The following HS6ST3 variants were observed in gnomAD, a reference collection of about 807,000 sequenced individuals.
HS6ST3 encodes heparan-sulfate 6-O-sulfotransferase 3.
HS6ST3 carries 12 observed loss-of-function variants against 36.7 expected under a neutral mutation model. That is an observed-to-expected ratio of 0.33 (90% confidence interval 0.21 to 0.53). HS6ST3 has a LOEUF of 0.53. Among genes scored for constraint, HS6ST3 ranks in the 20% least tolerant of loss-of-function variants. The pLI is 0.95. For synonymous variants in HS6ST3, 240 were observed against 257.5 expected, an observed-to-expected ratio of 0.93 and a Z score of 0.65; for missense variants, 584 against 640.9, an observed-to-expected ratio of 0.91 and a Z score of 0.96.
At chr13:96,751,841 ATATT>A (rs1407909920) in intron 1 of HS6ST3, among the ~76,000 whole-genome samples, 3 of 150,612 alleles carry the variant, frequency 2.0e-5, no homozygotes, top group African/African-American at 7.4e-5. Flanking sequence ...CACATATAGT[ATATT>A]TATACTGCAT....
rs1365570783 is a variant in HS6ST3, at chr13:96,833,201, T to A, written c.*3T>A. The A allele has an allele frequency of 7.2e-6, 11 of 1,524,860 alleles. No individual in the cohort carries two copies. The highest frequency in any genetic ancestry group is 9.6e-6 in the Non-Finnish European group (11 of 1,144,282). The allele number at this position is 1,524,860 out of a possible 1,614,324, so 94.5% of individuals were successfully genotyped here. On this transcript the variant is annotated 3_prime_UTR_variant, in exon 2 of 2. Coordinates refer to ENST00000376705, the MANE Select transcript of HS6ST3 (RefSeq NM_153456.4). ...ACAGCCAGGTGGTGAGATGGTGACCTCCTGCCCTCTCCTCTCTCAGGAGGG... is the reference window on the plus strand; with the variant it reads ...ACAGCCAGGTGGTGAGATGGTGACCACCTGCCCTCTCCTCTCTCAGGAGGG...
At chr13:96,294,515 T>G (rs886642872) in intron 1 of HS6ST3, among the ~76,000 whole-genome samples, 2 of 152,140 alleles carry the variant, frequency 1.3e-5, no homozygotes, top group Admixed American at 1.3e-4. Flanking sequence ...TGGCTCCTGC[T>G]TGGGGGAATG....
intron 1 of HS6ST3, among the ~76,000 whole-genome samples, chr13:96,118,689 T>TATATATATATATA (rs1416910167): frequency 2.4e-4 from 7 of 29,542 alleles, no homozygotes; most frequent in Admixed American, 6.8e-4. Context: ...TATATATATA[T>TATATATATATATA]TTTTTTTTTT....
chr13:96,403,919 T>A (rs2055464000), intron 1 of HS6ST3, among the ~76,000 whole-genome samples: 1 of 152,186 alleles, frequency 6.6e-6, no homozygotes, highest in African/African-American at 2.4e-5. Context: ...GACAGGTGCT[T>A]AAATGGGCAG....
At chr13:96,723,847 TC>T (rs1371290178) in intron 1 of HS6ST3, among the ~76,000 whole-genome samples, 2 of 152,240 alleles carry the variant, frequency 1.3e-5, no homozygotes, top group Admixed American at 6.5e-5. Context: ...TTTTTAATGG[TC>T]TCATCTTAAA....
intron 1 of HS6ST3, among the ~76,000 whole-genome samples, chr13:96,163,222 A>AT (rs147731415): frequency 0.027 from 2,143 of 79,072 alleles, 80 homozygotes; most frequent in African/African-American, 0.045. Context: ...TCTGAGATAC[A>AT]TTTTTTTTTT....
At chr13:96,452,581 A>G (rs2055733533) in intron 1 of HS6ST3, among the ~76,000 whole-genome samples, 1 of 152,040 alleles carries the variant, frequency 6.6e-6, no homozygotes, top group Non-Finnish European at 1.5e-5. Flanking sequence ...CAACAGTTCT[A>G]TCAGGAATCA....
At chr13:96,329,072 T>A (rs2055049816) in intron 1 of HS6ST3, among the ~76,000 whole-genome samples, 2 of 150,908 alleles carry the variant, frequency 1.3e-5, no homozygotes, top group African/African-American at 4.9e-5. Context: ...TCTTCTCTCT[T>A]TTTTTCTTTA....
chr13:96,518,428 T>C (rs975521321), intron 1 of HS6ST3, among the ~76,000 whole-genome samples: 4 of 152,198 alleles, frequency 2.6e-5, no homozygotes, highest in African/African-American at 9.6e-5. Context: ...ATATTCTATA[T>C]ATTATGTAGC....
chr13:96,401,041 G>A (rs574376778), intron 1 of HS6ST3, among the ~76,000 whole-genome samples: 9 of 152,172 alleles, frequency 5.9e-5, no homozygotes, highest in South Asian at 4.2e-4. Context: ...TTTAAAATAC[G>A]TTGATTATTC....
At chr13:96,103,817 A>G (rs2053828556) in intron 1 of HS6ST3, among the ~76,000 whole-genome samples, 1 of 152,232 alleles carries the variant, frequency 6.6e-6, no homozygotes, top group Non-Finnish European at 1.5e-5. Flanking sequence ...ACGACTTGTT[A>G]GAGTAATGAG....
chr13:96,129,668 ATGT>A (rs758920970), intron 1 of HS6ST3, among the ~76,000 whole-genome samples: 5 of 152,206 alleles, frequency 3.3e-5, no homozygotes, highest in Non-Finnish European at 5.9e-5. Context: ...CCAAATTTAT[ATGT>A]TGTCCTCCTA....
chr13:96,365,501 A>G (rs549257406), intron 1 of HS6ST3, among the ~76,000 whole-genome samples: 1 of 152,200 alleles, frequency 6.6e-6, no homozygotes, highest in African/African-American at 2.4e-5. Flanking sequence ...TTTCTGCTCC[A>G]TCTTAGGCAT....
At chr13:96,722,745 G>A (rs1875880325) in intron 1 of HS6ST3, among the ~76,000 whole-genome samples, 1 of 152,188 alleles carries the variant, frequency 6.6e-6, no homozygotes, top group Admixed American at 6.5e-5. Context: ...GGGAGGCTGA[G>A]GCAGGCAGAT....
intron 1 of HS6ST3, among the ~76,000 whole-genome samples, chr13:96,155,338 A>C (rs1252293740): frequency 6.0e-5 from 3 of 49,592 alleles, no homozygotes; most frequent in Non-Finnish European, 1.1e-4. Context: ...TTCTAAATAA[A>C]ATAACAAAAA....
intron 1 of HS6ST3, among the ~76,000 whole-genome samples, chr13:96,420,242 C>T (rs1468710812): frequency 1.3e-5 from 2 of 151,560 alleles, no homozygotes; most frequent in Non-Finnish European, 2.9e-5. Context: ...TGGTGAGTAC[C>T]CGGGTTTATA....
intron 1 of HS6ST3, among the ~76,000 whole-genome samples, chr13:96,572,065 G>T (rs2056302788): frequency 6.6e-6 from 1 of 152,216 alleles, no homozygotes; most frequent in African/African-American, 2.4e-5. Flanking sequence ...AAGCCTTGTA[G>T]AGGAGTGGAA....
chr13:96,649,667 T>C (rs2056600781), intron 1 of HS6ST3, among the ~76,000 whole-genome samples: 1 of 152,042 alleles, frequency 6.6e-6, no homozygotes, highest in South Asian at 2.1e-4. Flanking sequence ...GGGACTATCA[T>C]CATCTCCCAC....
At chr13:96,404,970 G>A (rs577535873) in intron 1 of HS6ST3, among the ~76,000 whole-genome samples, 2 of 152,222 alleles carry the variant, frequency 1.3e-5, no homozygotes, top group South Asian at 2.1e-4. Flanking sequence ...TTTTAAAAAC[G>A]GGAGTTTCTC....
Sources: gnomAD v4.1 joint callset for allele counts (sites outside exome capture counted in the v4.1 genomes callset) on GRCh38, gnomAD v4.1.1 for gene constraint, MANE v1.5 for transcripts, NCBI Gene and HGNC (gene_info 2026-07-23, HGNC 2026-07-21) for gene names.